COTL1: variants seen among roughly 807,000 people sequenced by gnomAD.
COTL1 encodes coactosin like F-actin binding protein 1, also known as coactosin-like protein.
Under a neutral mutation model 16.5 loss-of-function variants are expected in COTL1, and 15 were observed. The observed-to-expected ratio is 0.91, with a 90% CI of 0.61 to 1.40. The LOEUF is 1.40. Ranked by LOEUF, COTL1 falls within the 40% of genes most tolerant of loss-of-function variation. COTL1 has a pLI of 0.00. For synonymous variants in COTL1, 112 were observed against 85.3 expected (o/e 1.31, Z -1.73); for missense variants, 220 against 201.5 (o/e 1.09, Z -0.56).
At chr16:84,580,079 C>T (rs1157337902) in intron 3 of COTL1, among the ~76,000 whole-genome samples, 1 of 152,188 alleles carries the variant, frequency 6.6e-6, no homozygotes. Flanking sequence ...GGGCAGGTAC[C>T]AGGCTAGGGC....
intron 2 of COTL1, among the ~76,000 whole-genome samples, chr16:84,612,354 T>C (rs931805617): frequency 2.6e-5 from 4 of 152,198 alleles, no homozygotes; most frequent in African/African-American, 9.7e-5. Flanking sequence ...AAGGGTCTAA[T>C]GCGTGTCCAC....
intron 2 of COTL1, chr16:84,594,366 G>C (rs1230327550): frequency 2.0e-5 from 3 of 152,396 alleles, no homozygotes; most frequent in Admixed American, 1.3e-4. Context: ...ACTGGTGCAA[G>C]AGATGGCAGT....
chr16:84,593,247 G>C (rs541531003), intron 2 of COTL1, among the ~76,000 whole-genome samples: 2 of 152,180 alleles, frequency 1.3e-5, no homozygotes, highest in Non-Finnish European at 2.9e-5. Context: ...GGGGTCAGTA[G>C]GTAACAACGC....
intron 3 of COTL1, among the ~76,000 whole-genome samples, chr16:84,580,009 C>T (rs1326308892): frequency 2.0e-5 from 3 of 152,222 alleles, no homozygotes; most frequent in Admixed American, 1.3e-4. Flanking sequence ...ACCGTGCTAG[C>T]GACTGTGTCG....
At chr16:84,593,551 G>A (rs1250325604) in intron 2 of COTL1, among the ~76,000 whole-genome samples, 3 of 148,500 alleles carry the variant, frequency 2.0e-5, no homozygotes, top group Admixed American at 6.7e-5. Flanking sequence ...TCGCTCCGTC[G>A]CCCAGGCTGG....
intron 3 of COTL1, chr16:84,568,087 C>T (rs1297282205): frequency 6.6e-6 from 1 of 152,178 alleles, no homozygotes; most frequent in Non-Finnish European, 1.5e-5. Context: ...AACCTCTGCC[C>T]CCAGGGTTCA....
chr16:84,610,876 C>A (rs962799000), intron 2 of COTL1, among the ~76,000 whole-genome samples: 2 of 76,356 alleles, frequency 2.6e-5, no homozygotes, highest in African/African-American at 7.6e-5. Context: ...CAAGCATCTT[C>A]ATGATGCTGC....
chr16:84,584,918 T>C (rs1012315380), intron 3 of COTL1, among the ~76,000 whole-genome samples: 1 of 152,178 alleles, frequency 6.6e-6, no homozygotes, highest in African/African-American at 2.4e-5. Context: ...GTGATGGAGC[T>C]GAAATTTGAA....
Position 84,590,186 on chromosome 16 carries a change from G to A in COTL1, c.237C>T (p.Ile79=), listed in dbSNP as rs575298359. ...AMSKRSKFAL[I]TWIGENVSGL... The stretch of plus-strand genomic sequence containing the variant: ...CGCTGACGTTCTCACCGATCCACGT[G>A]ATGAGGGCAAACTTGGACCTCTTGC... The change falls in exon 3 of 4, where the codon ATC becomes ATT. Residue 79 remains isoleucine (I), a synonymous_variant. Transcript: ENST00000262428. The surrounding 1 kb of genome is among the most constrained non-coding windows in gnomAD (Gnocchi z 5.5). The A allele has an allele frequency of 6.2e-7, 1 of 1,614,216 alleles. No individual in the cohort carries two copies. The highest frequency in any genetic ancestry group is 1.3e-5 in the African/African-American group (1 of 75,042).
intron 3 of COTL1, chr16:84,567,663 T>C (rs2150678327): frequency 6.6e-6 from 1 of 152,420 alleles, no homozygotes; most frequent in East Asian, 1.9e-4. Flanking sequence ...CGCCAGGCTG[T>C]GGGGCTACAG....
At chr16:84,587,049 G>A (rs79596352) in intron 3 of COTL1, among the ~76,000 whole-genome samples, 2,467 of 152,250 alleles carry the variant, frequency 0.016, 63 homozygotes, top group African/African-American at 0.055. Flanking sequence ...GAATTCAGCA[G>A]GAGACCTTTG....
chr16:84,579,052 C>T (rs956683989), intron 3 of COTL1, among the ~76,000 whole-genome samples: 1 of 151,872 alleles, frequency 6.6e-6, no homozygotes, highest in African/African-American at 2.4e-5. Flanking sequence ...CACACATACA[C>T]ATATATACAC....
At chr16:84,572,809 C>A (rs751310000) in intron 3 of COTL1, among the ~76,000 whole-genome samples, 5 of 152,028 alleles carry the variant, frequency 3.3e-5, no homozygotes, top group Non-Finnish European at 5.9e-5. Flanking sequence ...CTGGAGGGCA[C>A]TGGTGCAATC....
At position 84,593,902 on chromosome 16, in the gene COTL1, G is replaced by A. The variant is rs114919068; in HGVS notation, c.161-3640C>T. Among the ~76,000 whole-genome samples the A allele has an allele frequency of 5.4e-3, 816 of 152,204 alleles. 7 individuals are homozygous for A. The highest frequency in any genetic ancestry group is 0.018 in the African/African-American group (764 of 41,524). On this transcript the variant is annotated intron_variant, in intron 2 of 3. Transcript: ENST00000262428. ...TTTCACCACTCCAACGAGAACTCCCGTCCTCAAGAACAGTCACTCCCCATT... is the reference window on the plus strand; with the variant it reads ...TTTCACCACTCCAACGAGAACTCCCATCCTCAAGAACAGTCACTCCCCATT...
chr16:84,569,799 C>A (rs1233050660), intron 3 of COTL1, among the ~76,000 whole-genome samples: 5 of 152,152 alleles, frequency 3.3e-5, no homozygotes, highest in Non-Finnish European at 7.3e-5. Context: ...ATTTCTCAAC[C>A]CTGAGCCCCA....
chr16:84,579,420 G>C (rs1347798135), intron 3 of COTL1, among the ~76,000 whole-genome samples: 3 of 152,192 alleles, frequency 2.0e-5, no homozygotes, highest in African/African-American at 7.2e-5. Flanking sequence ...CCACGAGGCA[G>C]AGGTTGCTGT....
intron 3 of COTL1, among the ~76,000 whole-genome samples, chr16:84,572,107 G>C (rs946021563): frequency 6.6e-6 from 1 of 152,270 alleles, no homozygotes; most frequent in Non-Finnish European, 1.5e-5. Context: ...AGATAAGGGA[G>C]TTGCAAGCAC....
At chr16:84,608,757 T>C (rs2150696211) in intron 2 of COTL1, among the ~76,000 whole-genome samples, 1 of 152,202 alleles carries the variant, frequency 6.6e-6, no homozygotes, top group East Asian at 1.9e-4. Flanking sequence ...GATACAAAAA[T>C]GAGCCAGGCG....
intron 2 of COTL1, chr16:84,595,985 T>C (rs1407675976): frequency 6.6e-6 from 1 of 152,194 alleles, no homozygotes; most frequent in Non-Finnish European, 1.5e-5. Context: ...TGTGTGTGTG[T>C]ATGCACTAAG....
Sources: allele counts gnomAD v4.1 joint callset (sites outside exome capture counted in the v4.1 genomes callset), GRCh38; gene constraint gnomAD v4.1.1; non-coding constraint Gnocchi (gnomAD v3.1); transcripts MANE v1.5; gene names NCBI Gene and HGNC (gene_info 2026-07-23, HGNC 2026-07-21).